ERGIC1: variants seen among roughly 807,000 people sequenced by gnomAD.
ERGIC1 encodes endoplasmic reticulum-golgi intermediate compartment 1.
Under a neutral mutation model 38.3 loss-of-function variants are expected in ERGIC1, and 19 were observed. The ratio of observed to expected loss-of-function variants is 0.50; its 90% confidence interval spans 0.35 to 0.73. The LOEUF (loss-of-function observed/expected upper bound fraction) is 0.73, where lower values mean the gene tolerates loss of function less well. ERGIC1 is among the 30% of genes least tolerant of loss of function. The probability of loss-of-function intolerance (pLI) is 0.01; values close to 1 mark genes in which losing one functional copy is unlikely to be tolerated. For synonymous variants in ERGIC1, 124 were observed against 157.6 expected (o/e 0.79, Z 1.60); for missense variants, 294 against 389.2 (o/e 0.76, Z 2.06).
At chr5:172,906,031 C>G (rs1312326106) in intron 3 of ERGIC1, 1 of 456,044 alleles carries the variant, frequency 2.2e-6, no homozygotes, top group African/African-American at 2.0e-5. Context: ...CCTTCCCCAG[C>G]TAGGGTTAGG....
At chr5:172,947,915 T>G (rs1382215142) in intron 9 of ERGIC1, among the ~76,000 whole-genome samples, 7 of 145,996 alleles carry the variant, frequency 4.8e-5, no homozygotes, top group South Asian at 4.4e-4. Context: ...TGTGTGTGGT[T>G]ATTTTTTATT....
rs1581497910 is a variant in ERGIC1, at chr5:172,834,681, A to C, written c.20+248A>C. 9.2e-6 allele frequency among the ~76,000 whole-genome samples: 1 copy of C among 108,462 alleles called. No individual in the cohort carries two copies. Among genetic ancestry groups the C allele is most frequent in the African/African-American group, 3.6e-5 (1 of 28,118 alleles). The allele number at this position is 108,462 out of a possible 152,430, so 71.2% of individuals were successfully genotyped here. On this transcript the variant is annotated intron_variant, in intron 1 of 9. Transcript: ENST00000393784. The surrounding 1 kb of genome is among the most constrained non-coding windows in gnomAD (Gnocchi z 4.1). ...CTTCCCTCCGCCGAGCCCCCTCCCC[A>C]GCCTGCCCGGATACCTTGCATTCCC...
intron 3 of ERGIC1, 108 bp downstream of exon 3, chr5:172,897,182 A>T (rs893265842): frequency 1.9e-6 from 2 of 1,049,372 alleles, no homozygotes; most frequent in Non-Finnish European, 1.4e-6. Context: ...TAATCCCAAC[A>T]CTTTGGGAGG....
chr5:172,864,620 CTT>C (rs1390105588), intron 1 of ERGIC1, among the ~76,000 whole-genome samples: 2 of 145,814 alleles, frequency 1.4e-5, no homozygotes, highest in African/African-American at 5.0e-5. Flanking sequence ...TAGGGGCTGT[CTT>C]TTTTTTTTTA....
At chr5:172,842,779 T>C (rs1324476311) in intron 1 of ERGIC1, among the ~76,000 whole-genome samples, 27 of 152,246 alleles carry the variant, frequency 1.8e-4, no homozygotes, top group Admixed American at 1.8e-3. Flanking sequence ...TGAGCATCTT[T>C]TCAAGATCTT....
chr5:172,911,859 G>A (rs562774327), intron 4 of ERGIC1, among the ~76,000 whole-genome samples: 56 of 152,116 alleles, frequency 3.7e-4, no homozygotes, highest in African/African-American at 1.3e-3. Context: ...TTTTTAAAAA[G>A]CAAAAGTACC....
At chr5:172,921,947 A>G (rs1332487218) in intron 5 of ERGIC1, among the ~76,000 whole-genome samples, 1 of 152,140 alleles carries the variant, frequency 6.6e-6, no homozygotes, top group East Asian at 1.9e-4. Flanking sequence ...CCCTCAATTG[A>G]GCCGGGGGCC....
intron 3 of ERGIC1, among the ~76,000 whole-genome samples, chr5:172,899,846 G>T (rs923150203): frequency 6.6e-6 from 1 of 152,212 alleles, no homozygotes; most frequent in Non-Finnish European, 1.5e-5. Flanking sequence ...ATTTTATGAG[G>T]ATCAAACAAG....
At chr5:172,865,051 CTTTTTTTT>C (rs55657045) in intron 1 of ERGIC1, among the ~76,000 whole-genome samples, 17 of 93,852 alleles carry the variant, frequency 1.8e-4, no homozygotes, top group African/African-American at 6.0e-4. Context: ...GAAAGAAATT[CTTTTTTTT>C]TTTTTTTTTT....
intron 2 of ERGIC1, among the ~76,000 whole-genome samples, chr5:172,888,990 A>G (rs1158490489): frequency 6.6e-6 from 1 of 152,224 alleles, no homozygotes; most frequent in Non-Finnish European, 1.5e-5. Context: ...GAAATTGTCA[A>G]GAGTAGCTGC....
chr5:172,874,926 A>G (rs1762107625), intron 1 of ERGIC1, among the ~76,000 whole-genome samples: 1 of 151,880 alleles, frequency 6.6e-6, no homozygotes, highest in Non-Finnish European at 1.5e-5. Flanking sequence ...CTGTCTAAAA[A>G]AAAAAAAAAA....
At chr5:172,930,628 C>G (rs1763757908) in intron 7 of ERGIC1, among the ~76,000 whole-genome samples, 1 of 152,192 alleles carries the variant, frequency 6.6e-6, no homozygotes, top group South Asian at 2.1e-4. Flanking sequence ...CAGGCGTGAG[C>G]CACCACATCC....
chr5:172,848,329 T>C (rs1316777695), intron 1 of ERGIC1, among the ~76,000 whole-genome samples: 6 of 152,292 alleles, frequency 3.9e-5, no homozygotes, highest in South Asian at 2.1e-4. Context: ...TTATTTTCCA[T>C]TGTGATGAGT....
At chr5:172,859,267 C>A (rs1346730758) in intron 1 of ERGIC1, among the ~76,000 whole-genome samples, 1 of 152,142 alleles carries the variant, frequency 6.6e-6, no homozygotes, top group Non-Finnish European at 1.5e-5. Flanking sequence ...CCCGGCCTGG[C>A]CAGCTGGTCA....
chr5:172,874,741 C>G (rs1347969818), intron 1 of ERGIC1, among the ~76,000 whole-genome samples: 1 of 151,866 alleles, frequency 6.6e-6, no homozygotes, highest in Non-Finnish European at 1.5e-5. Flanking sequence ...GCCAGGGCAA[C>G]ATGGCAAAAC....
At position 172,933,028 on chromosome 5, in the gene ERGIC1, G is replaced by A. The variant is rs528234075; in HGVS notation, c.642+492G>A. On this transcript the variant is annotated intron_variant, in intron 8 of 9. Coordinates refer to ENST00000393784, the MANE Select transcript of ERGIC1 (RefSeq NM_001031711.3). ...CCCCAACACTCAAAGTCATGGAGAA[G>A]ACGCCAGGCCTTAGTGGGCAGCAGA... The A allele has an allele frequency of 7.9e-4, 125 of 158,326 alleles. No individual in the cohort carries two copies. The Middle Eastern group carries it at 0.013, about 16-fold the overall frequency. The allele number at this position is 158,326 out of a possible 1,614,324, so 9.8% of individuals were successfully genotyped here.
At position 172,924,090 on chromosome 5, in the gene ERGIC1, C is replaced by T; in HGVS notation, c.461C>T (p.Ser154Phe). ...PDMTHVIHKL[S>F]FGDTLQVQNI... Reference sequence around the variant, plus strand: ...ATGACGCATGTCATCCACAAGCTCTCCTTTGGGGACACGCTACAGGTGAGC... The same window carrying T: ...ATGACGCATGTCATCCACAAGCTCTTCTTTGGGGACACGCTACAGGTGAGC... Residue 154 changes from serine to phenylalanine, a missense_variant, in exon 6 of 10, where the codon TCC (serine) becomes TTC (phenylalanine). Physicochemically the swap from Ser to Phe is radical, Grantham distance 155 (BLOSUM62 -2). Transcript: ENST00000393784. 1 of 1,614,168 alleles carries T rather than the reference C, an allele frequency of 6.2e-7. No individual in the cohort carries two copies. The highest frequency in any genetic ancestry group is 8.5e-7 in the Non-Finnish European group (1 of 1,180,034).
intron 9 of ERGIC1, among the ~76,000 whole-genome samples, chr5:172,944,957 C>A (rs1196863911): frequency 2.6e-5 from 4 of 152,228 alleles, no homozygotes; most frequent in Non-Finnish European, 5.9e-5. Context: ...GGGTGTGGAA[C>A]CCTGTGCCTT....
intron 3 of ERGIC1, chr5:172,898,188 C>T (rs1762772974): frequency 3.4e-6 from 1 of 292,688 alleles, no homozygotes; most frequent in East Asian, 5.5e-5. Flanking sequence ...TTTCCTTTGC[C>T]TCCACTCAGC....
Sources: allele counts gnomAD v4.1 joint callset (sites outside exome capture counted in the v4.1 genomes callset), GRCh38; gene constraint gnomAD v4.1.1; non-coding constraint Gnocchi (gnomAD v3.1); transcripts MANE v1.5; gene names NCBI Gene and HGNC (gene_info 2026-07-23, HGNC 2026-07-21).